Variants in H1-1 observed in about 807,000 individuals in gnomAD.
H1-1 encodes the protein histone H1.1.
In H1-1, 2 loss-of-function variants were observed where a neutral mutation model predicts 0.8. The ratio of observed to expected loss-of-function variants is 2.64; its 90% CI spans 1.08 to 8.30. The LOEUF is 8.30. Among genes scored for constraint, H1-1 ranks in the 30% most tolerant of loss-of-function variants. The probability of loss-of-function intolerance (pLI) is 0.04; values close to 1 mark genes in which losing one functional copy is unlikely to be tolerated. For missense variants in H1-1, 516 were observed against 262.6 expected (o/e 1.97, Z -6.67); for synonymous variants, 211 against 108.2 (o/e 1.95, Z -5.89).
rs759125637 is a variant in H1-1, at chr6:26,017,101, G to A, written c.632C>T (p.Ala211Val). 1.9e-6 allele frequency: 3 copies of A among 1,577,822 alleles called. No homozygotes were observed. Among genetic ancestry groups the A allele is most frequent in the Non-Finnish European group, 1.7e-6 (2 of 1,169,534 alleles). Residue 211 changes from alanine (A) to valine (V), a missense_variant, in exon 1 of 1, where the codon GCA becomes GTA. Ala to Val is a moderately conservative substitution (Grantham distance 64). Transcript: ENST00000244573. Reference sequence around the variant, plus strand: ...TAACTGAATTTACTTTTTCTTGGGTGCCGCTTTCTTGGGTTTGGCAGTCTT... The same window carrying A: ...TAACTGAATTTACTTTTTCTTGGGTACCGCTTTCTTGGGTTTGGCAGTCTT... Reference protein sequence around the residue: ...KPKTAKPKKAAPKKK With the variant: ...KPKTAKPKKAVPKKK
chr6:26,017,747 C>G lies in H1-1; in HGVS notation c.-15G>C. On this transcript the variant is annotated 5_prime_UTR_variant, in exon 1 of 1. Transcript: ENST00000244573. The stretch of plus-strand genomic sequence containing the variant: ...GTTTCAGACATGGTGACTAACACAG[C>G]ACACCAAATAAAGTGGTATAAACCT... The G allele has an allele frequency of 6.2e-7, 1 of 1,604,838 alleles. No individual in the cohort carries two copies. Among genetic ancestry groups the G allele is most frequent in the African/African-American group, 1.3e-5 (1 of 74,502 alleles).
In H1-1 at chr6:26,017,395, T is replaced by C. The variant is rs1023894515; in HGVS notation, c.338A>G (p.Lys113Arg). 6.2e-7 allele frequency: 1 copy of C among 1,614,102 alleles called. No individual in the cohort carries two copies. Among genetic ancestry groups the C allele is most frequent in the Non-Finnish European group, 8.5e-7 (1 of 1,180,010 alleles). The part of the protein sequence containing the change: ...GASGSFKLNK[K>R]ASSVETKPGA... ...GGGCTTGGTTTCCACGGAGGACGCC[T>C]TCTTGTTGAGCTTGAAGGAACCCGA... Residue 113 changes from lysine to arginine, a missense_variant, in exon 1 of 1, where the codon AAG becomes AGG. Transcript: ENST00000244573.
At position 26,017,065 on chromosome 6, in the gene H1-1, G is replaced by A. The variant is rs527514103; in HGVS notation, c.*20C>T. ...TCTTAAAAGAGCCGTTGGGTTACTAGAAGAAACTTCTAACTGAATTTACTT... is the reference window on the plus strand; with the variant it reads ...TCTTAAAAGAGCCGTTGGGTTACTAAAAGAAACTTCTAACTGAATTTACTT... On this transcript the variant is annotated 3_prime_UTR_variant, in exon 1 of 1. Coordinates refer to ENST00000244573, the MANE Select transcript of H1-1 (RefSeq NM_005325.4). The A allele has an allele frequency of 3.3e-5, 51 of 1,563,536 alleles. No homozygotes were observed. The highest frequency in any genetic ancestry group is 2.1e-4 in the South Asian group (17 of 82,402).
rs62000986 is a variant in H1-1 at position 26,017,487 on chromosome 6, G to T, written c.246C>A (p.Arg82=). Reference sequence around the variant, plus strand: ...CCAGGCTCTTAATGCCCAGCTTAATGCGGCTGTTGTTCTTCTCCACGTCGT... The same window carrying T: ...CCAGGCTCTTAATGCCCAGCTTAATTCGGCTGTTGTTCTTCTCCACGTCGT... The part of the protein sequence containing the change: ...AGYDVEKNNS[R]IKLGIKSLVS... Residue 82 remains arginine (R), a synonymous_variant, in exon 1 of 1, where the codon CGC becomes CGA. Transcript: ENST00000244573. The T allele has an allele frequency of 6.2e-7, 1 of 1,614,082 alleles. No individual in the cohort carries two copies. The highest frequency in any genetic ancestry group is 2.2e-5 in the East Asian group (1 of 44,864).
Position 26,017,332 on chromosome 6 carries a change from C to T in H1-1, c.401G>A (p.Gly134Asp). ...GGCCTTTTTGAGCTTTTTAGATGCA[C>T]CCGTTGCCTTAGTTTTTGTAGCCAC... ...SKVATKTKAT[G>D]ASKKLKKATG... is the part of the protein sequence containing the mutation. The change falls in exon 1 of 1, where the codon GGT becomes GAT. Residue 134 changes from glycine to aspartate, a missense_variant. Coordinates refer to ENST00000244573, the MANE Select transcript of H1-1 (RefSeq NM_005325.4). The T allele has an allele frequency of 6.2e-7, 1 of 1,614,030 alleles. No individual in the cohort carries two copies. Among genetic ancestry groups the T allele is most frequent in the East Asian group, 2.2e-5 (1 of 44,872 alleles).
Position 26,017,623 on chromosome 6 carries a change from T to G in H1-1, c.110A>C (p.Lys37Thr), listed in dbSNP as rs780095926. 6.2e-7 allele frequency: 1 copy of G among 1,613,976 alleles called. No homozygotes were observed. The highest frequency in any genetic ancestry group is 8.5e-7 in the Non-Finnish European group (1 of 1,180,006). The change falls in exon 1 of 1, where the codon AAA becomes ACA. Residue 37 changes from lysine (K) to threonine (T), a missense_variant. Physicochemically the swap from Lys to Thr is moderately conservative, Grantham distance 78. Coordinates refer to ENST00000244573, the MANE Select transcript of H1-1 (RefSeq NM_005325.4). ...CTCTGACACGGAAGGGCCAGCGGGT[T>G]TTTTCTTGGAGGCTGCTGCAGCCTT... ...PAKAAAASKKKPAGPSVSELI... is the reference protein window; with the variant it reads ...PAKAAAASKKTPAGPSVSELI...
chr6:26,017,766 T>C lies in H1-1; in HGVS notation c.-34A>G, dbSNP rs752330429. Reference sequence around the variant, plus strand: ...ACACAGCACACCAAATAAAGTGGTATAAACCTGACGAAGCAGGATGCGAAA... The same window carrying C: ...ACACAGCACACCAAATAAAGTGGTACAAACCTGACGAAGCAGGATGCGAAA... On this transcript the variant is annotated 5_prime_UTR_variant, in exon 1 of 1. Transcript: ENST00000244573. 2.8e-5 allele frequency: 44 copies of C among 1,578,476 alleles called. No homozygotes were observed. Among genetic ancestry groups the C allele is most frequent in the African/African-American group, 6.8e-5 (5 of 73,454 alleles).
In H1-1 at chr6:26,017,075, C is replaced by A. The variant is rs893321816; in HGVS notation, c.*10G>T. On this transcript the variant is annotated 3_prime_UTR_variant, in exon 1 of 1. Coordinates refer to ENST00000244573, the MANE Select transcript of H1-1 (RefSeq NM_005325.4). ...GCCGTTGGGTTACTAGAAGAAACTT[C>A]TAACTGAATTTACTTTTTCTTGGGT... 1.7e-5 allele frequency: 27 copies of A among 1,570,480 alleles called. No individual in the cohort carries two copies. Among genetic ancestry groups the A allele is most frequent in the South Asian group, 2.4e-5 (2 of 83,622 alleles).
chr6:26,017,338 G>C lies in H1-1; in HGVS notation c.395C>G (p.Ala132Gly). Reference sequence around the variant, plus strand: ...TTTGAGCTTTTTAGATGCACCCGTTGCCTTAGTTTTTGTAGCCACCTTTGA... The same window carrying C: ...TTTGAGCTTTTTAGATGCACCCGTTCCCTTAGTTTTTGTAGCCACCTTTGA... The part of the protein sequence containing the change: ...GASKVATKTK[A>G]TGASKKLKKA... The change falls in exon 1 of 1, where the codon GCA (alanine) becomes GGA (glycine). Residue 132 changes from alanine (A) to glycine (G), a missense_variant. Coordinates refer to ENST00000244573, the MANE Select transcript of H1-1 (RefSeq NM_005325.4). 6.2e-7 allele frequency: 1 copy of C among 1,614,050 alleles called. No individual in the cohort carries two copies. Among genetic ancestry groups the C allele is most frequent in the Non-Finnish European group, 8.5e-7 (1 of 1,180,016 alleles).
chr6:26,017,532 CTTT>C lies in H1-1; in HGVS notation c.198_200del (p.Lys67del), dbSNP rs35510717. 3.1e-6 allele frequency: 5 copies of C among 1,614,126 alleles called. No homozygotes were observed. The highest frequency in any genetic ancestry group is 2.2e-5 in the South Asian group (2 of 91,078). On this transcript the variant is annotated inframe_deletion, in exon 1 of 1. Coordinates refer to ENST00000244573, the MANE Select transcript of H1-1 (RefSeq NM_005325.4). ...CGTCGTAGCCTGCGGCCGCCAGCGC[CTTT>C]TTAAGAGCTGCCAACGACACACCAC...
chr6:26,017,524 G>C lies in H1-1; in HGVS notation c.209C>G (p.Ala70Gly), dbSNP rs776575449. 5.6e-6 allele frequency: 9 copies of C among 1,613,924 alleles called. No individual in the cohort carries two copies. Among genetic ancestry groups the C allele is most frequent in the Admixed American group, 1.7e-5 (1 of 59,994 alleles). ...CTTCTCCACGTCGTAGCCTGCGGCC[G>C]CCAGCGCCTTTTTAAGAGCTGCCAA... ...VSLAALKKAL[A>G]AAGYDVEKNN... The change falls in exon 1 of 1, where the codon GCG becomes GGG. Residue 70 changes from alanine (A) to glycine (G), a missense_variant. Ala to Gly is a moderately conservative substitution (Grantham distance 60). Coordinates refer to ENST00000244573, the MANE Select transcript of H1-1 (RefSeq NM_005325.4).
At position 26,017,043 on chromosome 6, in the gene H1-1, TAAA is replaced by T; in HGVS notation, c.*39_*41del. On this transcript the variant is annotated 3_prime_UTR_variant, in exon 1 of 1. Transcript: ENST00000244573. ...TTTCCTGAAATGCGTAGGTGGCTCT[TAAA>T]AGAGCCGTTGGGTTACTAGAAGAAA... The T allele has an allele frequency of 6.5e-7, 1 of 1,540,768 alleles. No homozygotes were observed. The highest frequency in any genetic ancestry group is 1.3e-5 in the South Asian group (1 of 77,414).
Position 26,017,625 on chromosome 6 carries a change from T to C in H1-1, c.108A>G (p.Lys36=). 3.1e-6 allele frequency: 5 copies of C among 1,614,140 alleles called. No individual in the cohort carries two copies. Among genetic ancestry groups the C allele is most frequent in the Non-Finnish European group, 4.2e-6 (5 of 1,180,022 alleles). Residue 36 remains lysine (K), a synonymous_variant, in exon 1 of 1, where the codon AAA becomes AAG. Transcript: ENST00000244573. ...CTGACACGGAAGGGCCAGCGGGTTT[T>C]TTCTTGGAGGCTGCTGCAGCCTTAG... ...KPAKAAAASK[K]KPAGPSVSEL...
Sources: gnomAD v4.1 joint callset for allele counts on GRCh38, gnomAD v4.1.1 for gene constraint, MANE v1.5 for transcripts, NCBI Gene and HGNC (gene_info 2026-07-23, HGNC 2026-07-21) for gene names.